EXOC6B: variants seen among roughly 807,000 people sequenced by gnomAD.
The protein encoded by EXOC6B is exocyst complex component 6B.
A neutral mutation model predicts 113.5 loss-of-function variants in EXOC6B; 54 were observed. The ratio of observed to expected loss-of-function variants is 0.48; its 90% CI spans 0.38 to 0.60. EXOC6B has a LOEUF of 0.60. Among genes scored for constraint, EXOC6B ranks in the 20% least tolerant of loss-of-function variants. EXOC6B has a pLI of 0.00. For synonymous variants in EXOC6B, 357 were observed against 339.0 expected, an observed-to-expected ratio of 1.05 and a Z score of -0.58; for missense variants, 797 against 977.5, an observed-to-expected ratio of 0.82 and a Z score of 2.46.
chr2:72,617,618 G>A (rs1056069140), intron 6 of EXOC6B, among the ~76,000 whole-genome samples: 8 of 147,992 alleles, frequency 5.4e-5, no homozygotes, highest in Non-Finnish European at 1.2e-4. Context: ...CACTGCCCAG[G>A]TTCAAGCAAT....
At chr2:72,304,245 C>G (rs1174838790) in intron 20 of EXOC6B, among the ~76,000 whole-genome samples, 1 of 152,174 alleles carries the variant, frequency 6.6e-6, no homozygotes, top group Non-Finnish European at 1.5e-5. Flanking sequence ...TTCTAATTCT[C>G]TCTCTTATAC....
intron 20 of EXOC6B, among the ~76,000 whole-genome samples, chr2:72,277,099 T>C (rs1376019488): frequency 6.6e-6 from 1 of 152,192 alleles, no homozygotes; most frequent in Non-Finnish European, 1.5e-5. Flanking sequence ...GAGGTAATTT[T>C]TGGTTGCTGC....
At chr2:72,728,511 C>A (rs1451777480) in intron 5 of EXOC6B, among the ~76,000 whole-genome samples, 1 of 152,120 alleles carries the variant, frequency 6.6e-6, no homozygotes, top group Non-Finnish European at 1.5e-5. Flanking sequence ...AATAACCACT[C>A]CCAAACTCTC....
chr2:72,398,727 T>C (rs199690318), intron 18 of EXOC6B, among the ~76,000 whole-genome samples: 1 of 138,996 alleles, frequency 7.2e-6, no homozygotes, highest in African/African-American at 2.7e-5. Context: ...TCTCTCTGTC[T>C]ACACACACAC....
In EXOC6B at chr2:72,580,775, CAAG is replaced by C. The variant is rs561117025; in HGVS notation, c.670-5110_670-5108del. Among the ~76,000 whole-genome samples, 24 of 152,288 alleles carry C rather than the reference CAAG, an allele frequency of 1.6e-4. No homozygotes were observed. The East Asian group carries it at 4.1e-3, about 26-fold the overall frequency. ...TCTAATACCAGAATGTGGAACCCCA[CAAG>C]AAGTACTCAGCACTCCTGCAGCACA... On this transcript the variant is annotated intron_variant, in intron 6 of 21. Coordinates refer to ENST00000272427, the MANE Select transcript of EXOC6B (RefSeq NM_015189.3).
At chr2:72,752,176 T>C (rs912717255) in intron 1 of EXOC6B, among the ~76,000 whole-genome samples, 9 of 152,166 alleles carry the variant, frequency 5.9e-5, no homozygotes, top group African/African-American at 2.2e-4. Context: ...AATGGTGTTG[T>C]CATGTATTAC....
At chr2:72,676,618 T>C (rs969733565) in intron 6 of EXOC6B, among the ~76,000 whole-genome samples, 1 of 152,228 alleles carries the variant, frequency 6.6e-6, no homozygotes, top group African/African-American at 2.4e-5. Context: ...TGATCTGGCC[T>C]TCACAGAATC....
intron 6 of EXOC6B, among the ~76,000 whole-genome samples, chr2:72,674,559 C>T (rs563456577): frequency 4.6e-5 from 7 of 152,130 alleles, no homozygotes; most frequent in Admixed American, 1.3e-4. Context: ...AGGCCGGGCG[C>T]GGTGGCTCAC....
chr2:72,250,998 G>C (rs936300199), intron 20 of EXOC6B, among the ~76,000 whole-genome samples: 1 of 151,090 alleles, frequency 6.6e-6, no homozygotes, highest in Non-Finnish European at 1.5e-5. Context: ...GGCTAATTTT[G>C]TGTATTTTTT....
At chr2:72,528,924 T>C (rs1324574982) in intron 8 of EXOC6B, among the ~76,000 whole-genome samples, 1 of 152,126 alleles carries the variant, frequency 6.6e-6, no homozygotes, top group Non-Finnish European at 1.5e-5. Context: ...ACTAGGAAGT[T>C]TACTTCTTAG....
chr2:72,784,044 T>C lies in EXOC6B; in HGVS notation c.113+41754A>G, dbSNP rs112600055. Reference sequence around the variant, plus strand: ...TTTTGTAAACGGTGAGGGGGTCCAGTTTCATTCTTCTGCACATGGATATCC... The same window carrying C: ...TTTTGTAAACGGTGAGGGGGTCCAGCTTCATTCTTCTGCACATGGATATCC... On this transcript the variant is annotated intron_variant, in intron 1 of 21. Coordinates refer to ENST00000272427, the MANE Select transcript of EXOC6B (RefSeq NM_015189.3). Among the ~76,000 whole-genome samples, 99 of 152,324 alleles carry C rather than the reference T, an allele frequency of 6.5e-4. 1 individual carries two copies. The highest frequency in any genetic ancestry group is 2.2e-3 in the African/African-American group (90 of 41,586).
At chr2:72,557,224 T>G (rs1427660832) in intron 8 of EXOC6B, among the ~76,000 whole-genome samples, 1 of 130,334 alleles carries the variant, frequency 7.7e-6, no homozygotes, top group Non-Finnish European at 1.5e-5. Flanking sequence ...TTCTTGGAGA[T>G]GAGAGACAAC....
At chr2:72,267,232 A>T (rs1173272971) in intron 20 of EXOC6B, among the ~76,000 whole-genome samples, 1 of 152,116 alleles carries the variant, frequency 6.6e-6, no homozygotes, top group African/African-American at 2.4e-5. Context: ...TCTTTTCCTA[A>T]TTGAATACCC....
At chr2:72,180,302 G>A (rs1677999831) in intron 21 of EXOC6B, among the ~76,000 whole-genome samples, 5 of 152,204 alleles carry the variant, frequency 3.3e-5, no homozygotes, top group Admixed American at 3.3e-4. Flanking sequence ...CCCTAACTGG[G>A]AAACATGGAC....
At chr2:72,394,762 G>A (rs1194842303) in intron 18 of EXOC6B, among the ~76,000 whole-genome samples, 2 of 152,000 alleles carry the variant, frequency 1.3e-5, no homozygotes, top group East Asian at 3.9e-4. Context: ...TGAGCAAAAG[G>A]TCATGATGAA....
chr2:72,765,438 T>C (rs1683001745), intron 1 of EXOC6B, among the ~76,000 whole-genome samples: 2 of 152,138 alleles, frequency 1.3e-5, no homozygotes, highest in South Asian at 4.1e-4. Flanking sequence ...TTTGGGAGGC[T>C]GAGGTGGGTG....
intron 6 of EXOC6B, among the ~76,000 whole-genome samples, chr2:72,631,424 GTGTATATATA>G (rs1239896703): frequency 0.041 from 905 of 22,238 alleles, 120 homozygotes; most frequent in East Asian, 0.074. Flanking sequence ...GTGTGTGTGT[GTGTATATATA>G]TATATATATA....
At chr2:72,449,309 A>G (rs1218970281) in intron 18 of EXOC6B, among the ~76,000 whole-genome samples, 1 of 151,858 alleles carries the variant, frequency 6.6e-6, no homozygotes, top group East Asian at 1.9e-4. Context: ...CAGCCTCCCA[A>G]GTAGCTGGGA....
chr2:72,440,088 A>C (rs1323929671), intron 18 of EXOC6B, among the ~76,000 whole-genome samples: 3 of 152,128 alleles, frequency 2.0e-5, no homozygotes, highest in Non-Finnish European at 2.9e-5. Context: ...ACCTGTGGCC[A>C]GCCCAAACGC....
Sources: allele counts gnomAD v4.1 joint callset (sites outside exome capture counted in the v4.1 genomes callset), GRCh38; gene constraint gnomAD v4.1.1; transcripts MANE v1.5; gene names NCBI Gene and HGNC (gene_info 2026-07-23, HGNC 2026-07-21).